GMDS: variants seen among roughly 807,000 people sequenced by gnomAD.
The protein encoded by GMDS is GDP-mannose 4,6 dehydratase.
Under a neutral mutation model 49.9 loss-of-function variants are expected in GMDS, and 20 were observed. The observed-to-expected ratio is 0.40, with a 90% CI of 0.28 to 0.58. The LOEUF (loss-of-function observed/expected upper bound fraction) is 0.58. Among genes scored for constraint, GMDS ranks in the 20% least tolerant of loss-of-function variants. GMDS has a pLI of 0.42. For missense variants in GMDS, 362 were observed against 481.4 expected (o/e 0.75, Z 2.32); for synonymous variants, 177 against 178.6 (o/e 0.99, Z 0.07).
intron 1 of GMDS, among the ~76,000 whole-genome samples, chr6:2,199,700 G>A (rs1220379546): frequency 6.6e-6 from 1 of 152,110 alleles, no homozygotes; most frequent in Non-Finnish European, 1.5e-5. Context: ...CTATTCCTAA[G>A]ATGATTTTCA....
chr6:2,188,326 A>G (rs750896103), intron 1 of GMDS, among the ~76,000 whole-genome samples: 29 of 152,206 alleles, frequency 1.9e-4, no homozygotes, highest in South Asian at 4.1e-4. Flanking sequence ...TTCCAAAACC[A>G]AAGGTAATTT....
intron 7 of GMDS, among the ~76,000 whole-genome samples, chr6:1,844,866 G>A (rs1483625440): frequency 2.6e-5 from 4 of 152,246 alleles, no homozygotes; most frequent in East Asian, 3.9e-4. Flanking sequence ...AGAAATTAAC[G>A]ACAGAGAGTT....
chr6:1,939,608 T>TA (rs1056740448), intron 6 of GMDS, among the ~76,000 whole-genome samples: 3 of 140,894 alleles, frequency 2.1e-5, no homozygotes, highest in African/African-American at 7.6e-5. Flanking sequence ...CATATACACA[T>TA]ACACACACAC....
chr6:2,079,830 GATATCTAA>G lies in GMDS; in HGVS notation c.345+35933_345+35940del, dbSNP rs970067891. The stretch of plus-strand genomic sequence containing the variant: ...CGGATCTTGGAGCCTCCTGTTTCTG[GATATCTAA>G]ATCATTTGATAGATTTGGGAAGTTT... On this transcript the variant is annotated intron_variant, in intron 4 of 10. Coordinates refer to ENST00000380815, the MANE Select transcript of GMDS (RefSeq NM_001500.4). Among the ~76,000 whole-genome samples, 4 of 152,022 alleles carry G rather than the reference GATATCTAA, an allele frequency of 2.6e-5. No individual in the cohort carries two copies. In the East Asian group the frequency reaches 7.7e-4, roughly 29 times the overall value.
At chr6:1,698,177 T>C (rs568171776) in intron 9 of GMDS, among the ~76,000 whole-genome samples, 3 of 152,322 alleles carry the variant, frequency 2.0e-5, no homozygotes, top group South Asian at 4.1e-4. Flanking sequence ...CCTGGGGAGA[T>C]TAAAGCCCTG....
At chr6:1,777,964 G>A (rs1768908285) in intron 7 of GMDS, among the ~76,000 whole-genome samples, 1 of 152,070 alleles carries the variant, frequency 6.6e-6, no homozygotes, top group South Asian at 2.1e-4. Flanking sequence ...TCTTTCCCTA[G>A]AAATAGAGGT....
At chr6:1,732,159 C>T (rs967779484) in intron 8 of GMDS, among the ~76,000 whole-genome samples, 1 of 152,084 alleles carries the variant, frequency 6.6e-6, no homozygotes, top group Non-Finnish European at 1.5e-5. Flanking sequence ...AACCCTGTCT[C>T]TACTAAAAAT....
chr6:1,659,860 A>AT (rs1176316445), intron 9 of GMDS, among the ~76,000 whole-genome samples: 1 of 141,346 alleles, frequency 7.1e-6, no homozygotes, highest in East Asian at 2.7e-4. Context: ...CATAATATCC[A>AT]TTAAAAAAAA....
chr6:2,179,857 A>G (rs184946358), intron 1 of GMDS, among the ~76,000 whole-genome samples: 1 of 151,934 alleles, frequency 6.6e-6, no homozygotes, highest in African/African-American at 2.4e-5. Flanking sequence ...ATGTGAGTCC[A>G]TAAGATCATA....
At chr6:1,970,223 T>C (rs923431434) in intron 4 of GMDS, among the ~76,000 whole-genome samples, 5 of 152,228 alleles carry the variant, frequency 3.3e-5, no homozygotes, top group African/African-American at 1.2e-4. Flanking sequence ...AGGCTCATGA[T>C]ACCAGTGAGC....
At chr6:1,686,266 T>A (rs1561728058) in intron 9 of GMDS, among the ~76,000 whole-genome samples, 1 of 152,210 alleles carries the variant, frequency 6.6e-6, no homozygotes, top group Non-Finnish European at 1.5e-5. Flanking sequence ...GTGTTATGAC[T>A]TGTCTGGTTC....
chr6:1,651,017 C>A (rs543342117), intron 9 of GMDS, among the ~76,000 whole-genome samples: 6 of 152,366 alleles, frequency 3.9e-5, no homozygotes, highest in Middle Eastern at 3.4e-3. Flanking sequence ...CCTGAGAAGG[C>A]AGGGCCAGCT....
At chr6:2,170,660 A>G (rs1418906299) in intron 1 of GMDS, among the ~76,000 whole-genome samples, 1 of 151,706 alleles carries the variant, frequency 6.6e-6, no homozygotes, top group Non-Finnish European at 1.5e-5. Context: ...GCATAATTAC[A>G]TTACAGACTA....
intron 8 of GMDS, among the ~76,000 whole-genome samples, chr6:1,732,039 T>C (rs1338264287): frequency 1.3e-5 from 2 of 152,148 alleles, no homozygotes; most frequent in Non-Finnish European, 2.9e-5. Flanking sequence ...ACATAGAAGA[T>C]AAAATAGGCC....
rs146695086 is a variant in GMDS at position 1,792,028 on chromosome 6, C to T, written c.772-49442G>A. 2.2e-3 allele frequency among the ~76,000 whole-genome samples: 336 copies of T among 152,258 alleles called. 3 individuals carry two copies. Among genetic ancestry groups the T allele is most frequent in the African/African-American group, 7.6e-3 (316 of 41,540 alleles). ...ATGTATTTGAGGAATTAACTACTGA[C>T]TTATTACAGCACTACAGAATTTTTA... is the stretch of plus-strand genomic sequence containing the variant. On this transcript the variant is annotated intron_variant, in intron 7 of 10. Transcript: ENST00000380815.
chr6:1,772,147 A>T (rs1250012391), intron 7 of GMDS, among the ~76,000 whole-genome samples: 1 of 152,216 alleles, frequency 6.6e-6, no homozygotes, highest in Non-Finnish European at 1.5e-5. Flanking sequence ...ATCTCATGCT[A>T]TTTTCAGTTA....
At chr6:2,161,935 T>G (rs1178356789) in intron 1 of GMDS, among the ~76,000 whole-genome samples, 2 of 152,124 alleles carry the variant, frequency 1.3e-5, no homozygotes, top group Non-Finnish European at 2.9e-5. Context: ...AAAAGCAAGA[T>G]CTTGCCACAG....
At chr6:1,819,776 A>T (rs4267995) in intron 7 of GMDS, among the ~76,000 whole-genome samples, 5,986 of 103,254 alleles carry the variant, frequency 0.058, 180 homozygotes, top group African/African-American at 0.099. Flanking sequence ...AAAAAAAAAA[A>T]ATATATATAT....
intron 1 of GMDS, among the ~76,000 whole-genome samples, chr6:2,204,649 G>A (rs907622944): frequency 2.0e-5 from 3 of 152,214 alleles, no homozygotes; most frequent in South Asian, 2.1e-4. Flanking sequence ...CACGTGGCTA[G>A]AGGCTGTTAT....
Sources: allele counts gnomAD v4.1 joint callset (sites outside exome capture counted in the v4.1 genomes callset), GRCh38; gene constraint gnomAD v4.1.1; transcripts MANE v1.5; gene names NCBI Gene and HGNC (gene_info 2026-07-23, HGNC 2026-07-21).